The following ST7 variants were observed in gnomAD, a reference collection of about 807,000 sequenced individuals.
The protein encoded by ST7 is suppression of tumorigenicity 7.
Under a neutral mutation model 78.7 loss-of-function variants are expected in ST7, and 28 were observed. That is an observed-to-expected ratio of 0.36 (90% CI 0.26 to 0.49). The LOEUF is 0.49. ST7 is among the 20% of genes least tolerant of loss of function. The pLI, the probability that ST7 is intolerant of heterozygous loss-of-function variation, is 0.99. For synonymous variants in ST7, 247 were observed against 249.6 expected (o/e 0.99, Z 0.10); for missense variants, 418 against 696.0 (o/e 0.60, Z 4.49).
chr7:116,964,350 T>C (rs1286749315), intron 1 of ST7, among the ~76,000 whole-genome samples: 1 of 152,254 alleles, frequency 6.6e-6, no homozygotes, highest in Non-Finnish European at 1.5e-5. Context: ...TTTCATTTAT[T>C]TGATAGACCC....
At position 117,102,302 on chromosome 7, in the gene ST7, C is replaced by T. The variant is rs151138984; in HGVS notation, c.234+2458C>T. On this transcript the variant is annotated intron_variant, in intron 2 of 15. Transcript: ENST00000323984. ...ACTCTTGGCTTCAGAGAACAATCACCTCAAAAATTTACTTCTACTTAACCT... is the reference window on the plus strand; with the variant it reads ...ACTCTTGGCTTCAGAGAACAATCACTTCAAAAATTTACTTCTACTTAACCT... 4.8e-3 allele frequency among the ~76,000 whole-genome samples: 726 copies of T among 152,268 alleles called. 10 individuals carry two copies. The highest frequency in any genetic ancestry group is 0.017 in the African/African-American group (695 of 41,558).
At chr7:117,052,164 C>CA (rs572838629) in intron 1 of ST7, among the ~76,000 whole-genome samples, 95 of 146,138 alleles carry the variant, frequency 6.5e-4, no homozygotes, top group Admixed American at 2.1e-3. Context: ...GATTTAAAAA[C>CA]AAAAAAAAAA....
At chr7:116,964,827 A>G (rs1010909422) in intron 1 of ST7, among the ~76,000 whole-genome samples, 6 of 152,242 alleles carry the variant, frequency 3.9e-5, no homozygotes, top group Non-Finnish European at 5.9e-5. Context: ...TGGAAGTTGT[A>G]TATGCATTAT....
intron 1 of ST7, among the ~76,000 whole-genome samples, chr7:117,093,705 AAAC>A (rs1490099550): frequency 6.6e-5 from 10 of 152,116 alleles, no homozygotes; most frequent in African/African-American, 1.2e-4. Context: ...CGTCTCAAAA[AAAC>A]AACAACAACA....
chr7:116,971,451 G>A (rs1019473394), intron 1 of ST7, among the ~76,000 whole-genome samples: 1 of 152,086 alleles, frequency 6.6e-6, no homozygotes, highest in Admixed American at 6.6e-5. Flanking sequence ...CAGTTGGGAG[G>A]GGGTAGAGAT....
At chr7:117,058,456 CTT>C (rs1798180608) in intron 1 of ST7, among the ~76,000 whole-genome samples, 3 of 152,144 alleles carry the variant, frequency 2.0e-5, no homozygotes, top group African/African-American at 7.2e-5. Flanking sequence ...GTTATGGAGA[CTT>C]ATTTTTCATG....
chr7:116,971,322 G>T lies in ST7; in HGVS notation c.151+17631G>T, dbSNP rs561480508. Among the ~76,000 whole-genome samples, 12 of 152,254 alleles carry T rather than the reference G, an allele frequency of 7.9e-5. No individual in the cohort carries two copies. The South Asian group carries it at 2.3e-3, about 29-fold the overall frequency. The stretch of plus-strand genomic sequence containing the variant: ...GACAGCAGCTTCAAACCCAGAAAAG[G>T]GTAATGAGTTTCACATGGCTGAATC... On this transcript the variant is annotated intron_variant, in intron 1 of 15. Transcript: ENST00000323984.
intron 2 of ST7, among the ~76,000 whole-genome samples, chr7:117,116,213 A>T (rs1220740129): frequency 6.6e-6 from 1 of 152,226 alleles, no homozygotes; most frequent in Admixed American, 6.5e-5. Flanking sequence ...TTAAGTTTTT[A>T]AGACTATGAA....
chr7:116,991,655 A>G (rs557336565), intron 1 of ST7, among the ~76,000 whole-genome samples: 3 of 152,238 alleles, frequency 2.0e-5, no homozygotes, highest in African/African-American at 7.2e-5. Context: ...GAGCCAAACC[A>G]TATCATTTCA....
chr7:117,130,441 CT>C (rs760804230), intron 4 of ST7, 49 bp from the exon 5 acceptor site: 17 of 1,366,866 alleles, frequency 1.2e-5, no homozygotes, highest in Non-Finnish European at 1.5e-5. Context: ...TTTTATAGGT[CT>C]TGCTTTTCTC....
chr7:116,968,483 G>T, intron 1 of ST7: 1 of 445,326 alleles, frequency 2.2e-6, no homozygotes, highest in Non-Finnish European at 4.5e-6. Context: ...TTTCGACTAC[G>T]GGTGTGCGCC....
intron 1 of ST7, among the ~76,000 whole-genome samples, chr7:116,973,362 A>G (rs1040948996): frequency 6.6e-6 from 1 of 152,102 alleles, no homozygotes; most frequent in African/African-American, 2.4e-5. Flanking sequence ...GGCTCAAGCA[A>G]TCCTTCCATC....
intron 1 of ST7, among the ~76,000 whole-genome samples, chr7:116,995,437 G>C (rs1794610221): frequency 6.6e-6 from 1 of 152,156 alleles, no homozygotes; most frequent in South Asian, 2.1e-4. Flanking sequence ...GAAATACCAA[G>C]TGAGGAGAAT....
chr7:116,982,623 A>G (rs1156459543), intron 1 of ST7, among the ~76,000 whole-genome samples: 1 of 152,106 alleles, frequency 6.6e-6, no homozygotes, highest in Non-Finnish European at 1.5e-5. Context: ...TAACTTCTCT[A>G]TCCTTTTGAC....
chr7:117,055,136 C>T (rs1797996880), intron 1 of ST7, among the ~76,000 whole-genome samples: 1 of 152,054 alleles, frequency 6.6e-6, no homozygotes, highest in Admixed American at 6.6e-5. Context: ...TGATATAATC[C>T]TCTGTGACAT....
intron 15 of ST7, among the ~76,000 whole-genome samples, chr7:117,228,105 GCTC>G (rs1334600953): frequency 3.3e-5 from 5 of 152,154 alleles, no homozygotes; most frequent in Admixed American, 3.3e-4. Flanking sequence ...GGCCCACCCT[GCTC>G]CTATTTCTTC....
intron 1 of ST7, among the ~76,000 whole-genome samples, chr7:117,089,205 G>A (rs541376522): frequency 7.2e-5 from 11 of 152,296 alleles, no homozygotes; most frequent in African/African-American, 2.4e-4. Flanking sequence ...TTGTCTCCAT[G>A]TCTGCTTCTC....
intron 12 of ST7, among the ~76,000 whole-genome samples, chr7:117,194,821 T>TG (rs1377209987): frequency 2.6e-5 from 4 of 152,146 alleles, no homozygotes; most frequent in Admixed American, 2.0e-4. Flanking sequence ...GGGGTGGGCA[T>TG]GGGGGAGACA....
At chr7:117,220,068 T>C (rs371964841) in intron 14 of ST7, among the ~76,000 whole-genome samples, 190 of 152,302 alleles carry the variant, frequency 1.2e-3, no homozygotes, top group African/African-American at 4.4e-3. Context: ...GCCCCAGTTA[T>C]ATCAATATCT....
Sources: gnomAD v4.1 joint callset for allele counts (sites outside exome capture counted in the v4.1 genomes callset) on GRCh38, gnomAD v4.1.1 for gene constraint, MANE v1.5 for transcripts, NCBI Gene and HGNC (gene_info 2026-07-23, HGNC 2026-07-21) for gene names.